The following HTR7 variants were observed in gnomAD, a reference collection of about 807,000 sequenced individuals.
The protein encoded by HTR7 is 5-HT-7.
Under a neutral mutation model 34.0 loss-of-function variants are expected in HTR7, and 16 were observed. The observed-to-expected ratio is 0.47, with a 90% CI of 0.32 to 0.71. The LOEUF is 0.71. HTR7 is among the 30% of genes least tolerant of loss of function. HTR7 has a pLI of 0.04. For synonymous variants in HTR7, 265 were observed against 260.2 expected, an observed-to-expected ratio of 1.02 and a Z score of -0.18; for missense variants, 504 against 625.5, an observed-to-expected ratio of 0.81 and a Z score of 2.07.
intron 1 of HTR7, among the ~76,000 whole-genome samples, chr10:90,818,950 T>C (rs75619303): frequency 0.08 from 12,210 of 152,200 alleles, 512 homozygotes; most frequent in East Asian, 0.16. Flanking sequence ...GCTCCAGCCG[T>C]GTTAAGACAT....
intron 1 of HTR7, among the ~76,000 whole-genome samples, chr10:90,822,811 G>C (rs1275490166): frequency 1.3e-5 from 2 of 152,156 alleles, no homozygotes; most frequent in Non-Finnish European, 2.9e-5. Flanking sequence ...CATGTCACCT[G>C]GTGTCCTAGC....
rs536681350 is a variant in HTR7, at chr10:90,806,008, T to C, written c.539+51125A>G. Among the ~76,000 whole-genome samples, 9 of 152,312 alleles carry C rather than the reference T, an allele frequency of 5.9e-5. No individual in the cohort carries two copies. The East Asian group carries it at 1.5e-3, about 26-fold the overall frequency. ...GTAAATTAGGGTTACTTAGTTAGAA[T>C]AGTTGTTAATAAATATAATTAAAAC... On this transcript the variant is annotated intron_variant, in intron 1 of 3. Coordinates refer to ENST00000336152, the MANE Select transcript of HTR7 (RefSeq NM_019859.4).
chr10:90,799,338 C>CATGAATGAATGA (rs113835217), intron 1 of HTR7, among the ~76,000 whole-genome samples: 3 of 150,440 alleles, frequency 2.0e-5, no homozygotes, highest in Non-Finnish European at 3.0e-5. Flanking sequence ...GCCGGCTCTG[C>CATGAATGAATGA]ATGAATGAAT....
At chr10:90,755,331 A>G (rs1844818952) in intron 1 of HTR7, among the ~76,000 whole-genome samples, 2 of 152,230 alleles carry the variant, frequency 1.3e-5, no homozygotes, top group African/African-American at 4.8e-5. Context: ...TCTTAAATGC[A>G]TAATACACAA....
intron 1 of HTR7, among the ~76,000 whole-genome samples, chr10:90,850,722 G>A (rs1012004456): frequency 3.9e-5 from 6 of 152,142 alleles, no homozygotes; most frequent in Admixed American, 1.3e-4. Context: ...TTCTAGAATT[G>A]TAAAATACTA....
chr10:90,756,698 AATCAG>A (rs1376184893), intron 1 of HTR7, among the ~76,000 whole-genome samples: 1 of 152,174 alleles, frequency 6.6e-6, no homozygotes, highest in Non-Finnish European at 1.5e-5. Context: ...TAAGAGAGAA[AATCAG>A]ATTTAATTAA....
At chr10:90,754,988 C>T (rs1564670600) in intron 1 of HTR7, among the ~76,000 whole-genome samples, 1 of 152,178 alleles carries the variant, frequency 6.6e-6, no homozygotes, top group Non-Finnish European at 1.5e-5. Flanking sequence ...TTATAAGAAT[C>T]ACTCAGGAGC....
chr10:90,777,157 C>T (rs1284886451), intron 1 of HTR7, among the ~76,000 whole-genome samples: 1 of 152,098 alleles, frequency 6.6e-6, no homozygotes, highest in Non-Finnish European at 1.5e-5. Flanking sequence ...TTCTAAATTC[C>T]CATTTTTAAA....
chr10:90,838,699 A>G (rs891310349), intron 1 of HTR7, among the ~76,000 whole-genome samples: 26 of 152,096 alleles, frequency 1.7e-4, no homozygotes, highest in African/African-American at 5.6e-4. Flanking sequence ...CTCTCCTCCA[A>G]TCACACTGGC....
Position 90,820,290 on chromosome 10 carries a change from G to T in HTR7, c.539+36843C>A, listed in dbSNP as rs74834430. 2.1e-3 allele frequency among the ~76,000 whole-genome samples: 317 copies of T among 152,170 alleles called. 3 individuals are homozygous for T. The highest frequency in any genetic ancestry group is 0.018 in the East Asian group (93 of 5,182). On this transcript the variant is annotated intron_variant, in intron 1 of 3. Coordinates refer to ENST00000336152, the MANE Select transcript of HTR7 (RefSeq NM_019859.4). ...TAATTTAAAGGAGTGATGGCTTTTTGATTTTCTTTTTATTTAGTTGTTGTT... is the reference window on the plus strand; with the variant it reads ...TAATTTAAAGGAGTGATGGCTTTTTTATTTTCTTTTTATTTAGTTGTTGTT...
chr10:90,831,442 G>C (rs1846174953), intron 1 of HTR7, among the ~76,000 whole-genome samples: 1 of 152,114 alleles, frequency 6.6e-6, no homozygotes, highest in Non-Finnish European at 1.5e-5. Context: ...GACTTCAGGA[G>C]TGAAGCTGCA....
chr10:90,747,216 G>C (rs1844653918), intron 2 of HTR7, among the ~76,000 whole-genome samples: 1 of 152,170 alleles, frequency 6.6e-6, no homozygotes, highest in African/African-American at 2.4e-5. Context: ...TTCAATAATG[G>C]TTAGCAGTTA....
intron 1 of HTR7, among the ~76,000 whole-genome samples, chr10:90,797,048 C>T (rs1845551692): frequency 6.6e-6 from 1 of 151,966 alleles, no homozygotes; most frequent in Non-Finnish European, 1.5e-5. Flanking sequence ...TAATCTTCTC[C>T]TGATGATTCA....
Position 90,741,045 on chromosome 10 carries a change from C to G in HTR7, c.*1437G>C. ...CCTCCTCCCCTTTCAGGAAAGGTAG[C>G]TTTTCCCCATGTCTGGTAAGAAGCA... On this transcript the variant is annotated 3_prime_UTR_variant, in exon 4 of 4. Transcript: ENST00000336152. 1 of 152,552 alleles carries G rather than the reference C, an allele frequency of 6.6e-6. No homozygotes were observed. The highest frequency in any genetic ancestry group is 1.5e-5 in the Non-Finnish European group (1 of 68,002). 9.4% of individuals were successfully genotyped at this position (152,552 alleles called of 1,614,324 possible).
At chr10:90,758,764 C>T (rs79871163) in intron 1 of HTR7, among the ~76,000 whole-genome samples, 7,157 of 151,944 alleles carry the variant, frequency 0.047, 229 homozygotes, top group Non-Finnish European at 0.075. Context: ...GGAAAGACCA[C>T]TGCAGGCATT....
At chr10:90,770,922 C>T (rs559550634) in intron 1 of HTR7, among the ~76,000 whole-genome samples, 37 of 152,300 alleles carry the variant, frequency 2.4e-4, no homozygotes, top group South Asian at 1.0e-3. Flanking sequence ...ACTTGTGGTG[C>T]CTTTTTCAGA....
chr10:90,798,802 C>T (rs1240806833), intron 1 of HTR7, among the ~76,000 whole-genome samples: 1 of 152,182 alleles, frequency 6.6e-6, no homozygotes, highest in African/African-American at 2.4e-5. Flanking sequence ...TTGCTCATTC[C>T]TGGGTGTAGG....
chr10:90,758,516 A>G (rs1844875684), intron 1 of HTR7, among the ~76,000 whole-genome samples: 3 of 152,048 alleles, frequency 2.0e-5, no homozygotes, highest in Admixed American at 1.3e-4. Context: ...CAAAGATAAG[A>G]CATAATAATA....
At chr10:90,838,444 A>T (rs1289321457) in intron 1 of HTR7, among the ~76,000 whole-genome samples, 2 of 152,156 alleles carry the variant, frequency 1.3e-5, no homozygotes, top group African/African-American at 2.4e-5. Flanking sequence ...TCTTGCCTTG[A>T]CTAACGTAGA....
Sources: gnomAD v4.1 joint callset for allele counts (sites outside exome capture counted in the v4.1 genomes callset) on GRCh38, gnomAD v4.1.1 for gene constraint, MANE v1.5 for transcripts, NCBI Gene and HGNC (gene_info 2026-07-23, HGNC 2026-07-21) for gene names.